NUMB: variants seen among roughly 807,000 people sequenced by gnomAD.
NUMB encodes NUMB endocytic adaptor protein.
Under a neutral mutation model 59.7 loss-of-function variants are expected in NUMB, and 29 were observed. The ratio of observed to expected loss-of-function variants is 0.49; its 90% CI spans 0.36 to 0.66. The LOEUF (loss-of-function observed/expected upper bound fraction) is 0.66. Ranked by LOEUF, NUMB falls within the 30% of genes least tolerant of loss-of-function variation. The pLI, the probability that NUMB is intolerant of heterozygous loss-of-function variation, is 0.00. For missense variants in NUMB, 723 were observed against 822.0 expected (o/e 0.88, Z 1.47); for synonymous variants, 288 against 288.2 (o/e 1.00, Z 0.01).
chr14:73,283,450 C>T (rs919757446), intron 10 of NUMB, among the ~76,000 whole-genome samples: 4 of 152,318 alleles, frequency 2.6e-5, no homozygotes, highest in African/African-American at 9.6e-5. Context: ...CTGACCAGAT[C>T]TAATACTTTA....
chr14:73,368,342 C>A (rs142745221), intron 2 of NUMB, among the ~76,000 whole-genome samples: 6 of 152,108 alleles, frequency 3.9e-5, no homozygotes, highest in Non-Finnish European at 5.9e-5. Context: ...TTTGGGAGGC[C>A]GAGGCAAGTG....
intron 4 of NUMB, among the ~76,000 whole-genome samples, chr14:73,325,561 G>A (rs1891618671): frequency 6.6e-6 from 1 of 152,128 alleles, no homozygotes; most frequent in African/African-American, 2.4e-5. Context: ...TATGCTTCTG[G>A]GTTGCAATAC....
At chr14:73,320,341 G>A (rs1891337067) in intron 5 of NUMB, among the ~76,000 whole-genome samples, 2 of 152,066 alleles carry the variant, frequency 1.3e-5, no homozygotes, top group Non-Finnish European at 2.9e-5. Context: ...TCCCCTCAAA[G>A]TTTAAAAGTT....
chr14:73,276,613 T>C lies in NUMB; in HGVS notation c.1921A>G (p.Ser641Gly), dbSNP rs368343455. 6.2e-6 allele frequency: 10 copies of C among 1,613,694 alleles called. No homozygotes were observed. The highest frequency in any genetic ancestry group is 1.3e-5 in the African/African-American group (1 of 74,918). The change falls in exon 13 of 13, where the codon AGT (serine) becomes GGT (glycine). Residue 641 changes from serine to glycine, a missense_variant. Physicochemically the swap from Ser to Gly is moderately conservative, Grantham distance 56. Transcript: ENST00000555238. ...ATTTCAAACGTCTTCTGTAAGTCAC[T>C]GGAGAAAGGGTTGGTAGGGGAGGGA... Reference protein sequence around the residue: ...TNPSPTNPFSSDLQKTFEIEL With the variant: ...TNPSPTNPFSGDLQKTFEIEL
intron 2 of NUMB, among the ~76,000 whole-genome samples, chr14:73,403,670 G>C (rs548374176): frequency 1.8e-4 from 27 of 152,296 alleles, no homozygotes; most frequent in Non-Finnish European, 3.8e-4. Flanking sequence ...GCCTTCAAGA[G>C]ATTGGCGGGG....
At chr14:73,401,986 G>C (rs567964449) in intron 2 of NUMB, among the ~76,000 whole-genome samples, 12 of 152,198 alleles carry the variant, frequency 7.9e-5, no homozygotes, top group African/African-American at 2.4e-4. Flanking sequence ...CTCAGCCTTC[G>C]TGAGTAGCTA....
intron 1 of NUMB, among the ~76,000 whole-genome samples, chr14:73,418,489 T>A (rs1380047106): frequency 2.0e-5 from 3 of 152,158 alleles, no homozygotes; most frequent in Admixed American, 6.5e-5. Context: ...ACAGTAAATT[T>A]GGCCAGGCAT....
rs573854588 is a variant in NUMB at position 73,311,499 on chromosome 14, T to C, written c.234+4891A>G. On this transcript the variant is annotated intron_variant, in intron 6 of 12. Coordinates refer to ENST00000555238, the MANE Select transcript of NUMB (RefSeq NM_001005743.2). ...ATCTGTTCCCTACTGCTAAAGTTTC[T>C]GGAGACACTGCTCCTGTCAGCTGGT... is the stretch of plus-strand genomic sequence containing the variant. Among the ~76,000 whole-genome samples the C allele has an allele frequency of 4.6e-5, 7 of 152,340 alleles. No homozygotes were observed. The South Asian group carries it at 8.3e-4, about 18-fold the overall frequency.
At chr14:73,358,602 C>CTTT (rs35552161) in intron 3 of NUMB, among the ~76,000 whole-genome samples, 24 of 118,938 alleles carry the variant, frequency 2.0e-4, no homozygotes, top group East Asian at 9.3e-4. Context: ...GAAAGCTAGA[C>CTTT]TTTTTTTTTT....
At chr14:73,447,891 G>A (rs1883648779) in intron 1 of NUMB, among the ~76,000 whole-genome samples, 2 of 150,918 alleles carry the variant, frequency 1.3e-5, no homozygotes, top group Non-Finnish European at 1.5e-5. Context: ...CCAACCCTCG[G>A]GTTCAAGCGA....
chr14:73,326,921 C>A (rs1891691198), intron 4 of NUMB, among the ~76,000 whole-genome samples: 1 of 150,354 alleles, frequency 6.7e-6, no homozygotes, highest in South Asian at 2.1e-4. Flanking sequence ...TTCCCAAAGT[C>A]ATACACACAG....
rs537930508 is a variant in NUMB at position 73,295,702 on chromosome 14, A to C, written c.309+1509T>G. ...CTTTCTCCCCTTTCAGTGGCATTTG[A>C]ATTTTTTTTTTTTAATTATCTTCTT... On this transcript the variant is annotated intron_variant, in intron 7 of 12. Transcript: ENST00000555238. Among the ~76,000 whole-genome samples the C allele has an allele frequency of 1.2e-4, 18 of 152,002 alleles. No individual in the cohort carries two copies. The South Asian group carries it at 3.1e-3, about 26-fold the overall frequency.
At chr14:73,352,473 C>T (rs1285135947) in intron 4 of NUMB, among the ~76,000 whole-genome samples, 2 of 20,458 alleles carry the variant, frequency 9.8e-5, no homozygotes, top group Non-Finnish European at 1.9e-4. Flanking sequence ...CACACACACA[C>T]ACACATATAT....
chr14:73,357,448 T>G (rs1893857929), intron 3 of NUMB, among the ~76,000 whole-genome samples: 1 of 150,468 alleles, frequency 6.6e-6, no homozygotes, highest in Non-Finnish European at 1.5e-5. Flanking sequence ...TGTTATATTC[T>G]TTTATATCAC....
At chr14:73,355,372 A>G (rs1893727084) in intron 4 of NUMB, among the ~76,000 whole-genome samples, 1 of 152,162 alleles carries the variant, frequency 6.6e-6, no homozygotes, top group South Asian at 2.1e-4. Context: ...TTCTTATCAG[A>G]ATATTTGTAC....
At chr14:73,336,572 G>C (rs1375419267) in intron 4 of NUMB, among the ~76,000 whole-genome samples, 1 of 152,168 alleles carries the variant, frequency 6.6e-6, no homozygotes, top group Non-Finnish European at 1.5e-5. Flanking sequence ...ACCTACCAGA[G>C]GAATGGGCTA....
At chr14:73,452,647 G>A (rs2140212265) in intron 1 of NUMB, among the ~76,000 whole-genome samples, 1 of 152,312 alleles carries the variant, frequency 6.6e-6, no homozygotes, top group African/African-American at 2.4e-5. Flanking sequence ...CATTTAAGAT[G>A]ACTGGGGGTC....
intron 2 of NUMB, among the ~76,000 whole-genome samples, chr14:73,372,745 G>C (rs1394496930): frequency 4.0e-5 from 6 of 151,810 alleles, no homozygotes; most frequent in African/African-American, 1.5e-4. Context: ...TAGAAACTAG[G>C]ATTCACTATT....
intron 1 of NUMB, among the ~76,000 whole-genome samples, chr14:73,450,506 G>A (rs1017297634): frequency 6.6e-6 from 1 of 152,190 alleles, no homozygotes; most frequent in African/African-American, 2.4e-5. Flanking sequence ...AAGAATACTG[G>A]GAGCTAGGCT....
Sources: gnomAD v4.1 joint callset for allele counts (sites outside exome capture counted in the v4.1 genomes callset) on GRCh38, gnomAD v4.1.1 for gene constraint, MANE v1.5 for transcripts, NCBI Gene and HGNC (gene_info 2026-07-23, HGNC 2026-07-21) for gene names.